The following PNLIPRP3 variants were observed in gnomAD, a reference collection of about 807,000 sequenced individuals.
PNLIPRP3 encodes the protein pancreatic lipase related protein 3, also known as pancreatic lipase-related protein 3.
In PNLIPRP3, 58 loss-of-function variants were observed where a neutral mutation model predicts 52.8. That is an observed-to-expected ratio of 1.10 (90% CI 0.89 to 1.37). The LOEUF is 1.37. PNLIPRP3 is among the 40% of genes most tolerant of loss of function. PNLIPRP3 has a pLI of 0.00. For missense variants in PNLIPRP3, 593 were observed against 561.6 expected (o/e 1.06, Z -0.57); for synonymous variants, 192 against 185.0 (o/e 1.04, Z -0.31).
intron 1 of PNLIPRP3, among the ~76,000 whole-genome samples, chr10:116,433,148 T>G (rs1300882497): frequency 1.4e-4 from 2 of 13,998 alleles, no homozygotes; most frequent in South Asian, 3.2e-3. Flanking sequence ...AAAAAAAAAG[T>G]CTTGGAGTGA....
chr10:116,460,057 C>T (rs533491499), intron 5 of PNLIPRP3, among the ~76,000 whole-genome samples: 3 of 152,116 alleles, frequency 2.0e-5, no homozygotes, highest in African/African-American at 4.8e-5. Flanking sequence ...TGAGCCACCG[C>T]GCCCAGCCAT....
chr10:116,436,892 T>C (rs1451669281), intron 2 of PNLIPRP3, 27 bp downstream of exon 2: 4 of 1,544,198 alleles, frequency 2.6e-6, no homozygotes, highest in Admixed American at 3.8e-5. Context: ...CCTTCACACA[T>C]GGATTATTCT....
In PNLIPRP3 at chr10:116,477,357, C is replaced by A; in HGVS notation, c.*204C>A. The A allele has an allele frequency of 2.5e-6, 1 of 407,548 alleles. No individual in the cohort carries two copies. The highest frequency in any genetic ancestry group is 4.3e-6 in the Non-Finnish European group (1 of 231,676). The allele number at this position is 407,548 out of a possible 1,614,324, so 25.2% of individuals were successfully genotyped here. A position where few individuals can be genotyped will look rare whatever the true frequency, so the allele number is the denominator to read the frequency against. ...CTTAAAAACACACTGAACCCTGGGACAAAAGATAATTACTATGATCTGTAG... is the reference window on the plus strand; with the variant it reads ...CTTAAAAACACACTGAACCCTGGGAAAAAAGATAATTACTATGATCTGTAG... On this transcript the variant is annotated 3_prime_UTR_variant, in exon 12 of 12. Coordinates refer to ENST00000369230, the MANE Select transcript of PNLIPRP3 (RefSeq NM_001011709.3).
At chr10:116,467,295 T>A (rs1050732227) in intron 8 of PNLIPRP3, among the ~76,000 whole-genome samples, 1 of 152,156 alleles carries the variant, frequency 6.6e-6, no homozygotes, top group Non-Finnish European at 1.5e-5. Flanking sequence ...GGGAGGTTGA[T>A]GCAGGAGATC....
intron 4 of PNLIPRP3, among the ~76,000 whole-genome samples, chr10:116,450,466 T>C (rs1846018395): frequency 1.3e-5 from 2 of 151,812 alleles, no homozygotes; most frequent in South Asian, 2.1e-4. Flanking sequence ...AAAATTACAG[T>C]AGAAATGAAC....
At chr10:116,455,699 A>G (rs1846102070) in intron 4 of PNLIPRP3, 23 bp from the exon 5 acceptor site, 3 of 1,544,144 alleles carry the variant, frequency 1.9e-6, no homozygotes, top group Non-Finnish European at 2.7e-6. Flanking sequence ...TAAAATACTT[A>G]TTCTGTTAAA....
chr10:116,475,085 A>G (rs1216317697), intron 10 of PNLIPRP3, among the ~76,000 whole-genome samples: 1 of 152,250 alleles, frequency 6.6e-6, no homozygotes, highest in Non-Finnish European at 1.5e-5. Context: ...CTTATATACC[A>G]TGGAATACTA....
chr10:116,450,616 A>G (rs1438000901), intron 4 of PNLIPRP3, among the ~76,000 whole-genome samples: 1 of 152,110 alleles, frequency 6.6e-6, no homozygotes, highest in Admixed American at 6.5e-5. Flanking sequence ...TAAGAAATAA[A>G]AAGGAGACAT....
Position 116,469,236 on chromosome 10 carries a change from G to A in PNLIPRP3, c.979G>A (p.Ala327Thr), listed in dbSNP as rs1846328205. The change falls in exon 9 of 12, where the codon GCT becomes ACT. Residue 327 changes from alanine to threonine, a missense_variant. Coordinates refer to ENST00000369230, the MANE Select transcript of PNLIPRP3 (RefSeq NM_001011709.3). The stretch of plus-strand genomic sequence containing the variant: ...AGGTTGCCCAACAATGGGTCATTTT[G>A]CTGATAGATTTCACTTCAAAAATAT... ...KEGCPTMGHF[A>T]DRFHFKNMKT... 7 of 1,612,024 alleles carry A rather than the reference G, an allele frequency of 4.3e-6. No homozygotes were observed. The highest frequency in any genetic ancestry group is 1.3e-5 in the African/African-American group (1 of 74,838).
chr10:116,442,381 C>T (rs1252950181), intron 2 of PNLIPRP3, among the ~76,000 whole-genome samples: 1 of 152,122 alleles, frequency 6.6e-6, no homozygotes, highest in African/African-American at 2.4e-5. Flanking sequence ...CTCCATTTTG[C>T]CATGTTTTTG....
chr10:116,435,868 A>T (rs1845767188), intron 1 of PNLIPRP3, among the ~76,000 whole-genome samples: 1 of 152,198 alleles, frequency 6.6e-6, no homozygotes, highest in South Asian at 2.1e-4. Context: ...ACCACAAAAG[A>T]CTCCAAATAA....
rs1846185238 is a variant in PNLIPRP3 at position 116,461,085 on chromosome 10, G to T, written c.685G>T (p.Gly229Cys). 2.5e-6 allele frequency: 4 copies of T among 1,613,990 alleles called. No homozygotes were observed. Among genetic ancestry groups the T allele is most frequent in the Non-Finnish European group, 8.5e-7 (1 of 1,180,024 alleles). ...TNAARILFEL[G>C]VGTIDACGHL... is the part of the protein sequence containing the mutation. ...TGCAGCTCGCATCCTCTTTGAGCTT[G>T]GTAAGTTTTAACAGAATCAGAAACT... The change falls in exon 6 of 12, where the codon GGT becomes TGT. Residue 229 changes from glycine (G) to cysteine (C), a missense_variant and splice_region_variant. By Grantham distance (159) the Gly-to-Cys change is radical. Coordinates refer to ENST00000369230, the MANE Select transcript of PNLIPRP3 (RefSeq NM_001011709.3).
intron 5 of PNLIPRP3, among the ~76,000 whole-genome samples, chr10:116,459,281 TAA>T (rs368186368): frequency 3.5e-4 from 45 of 129,302 alleles, no homozygotes; most frequent in African/African-American, 1.0e-3. Context: ...GTCAGAAAAA[TAA>T]AAAAAAAAAA....
At chr10:116,445,558 T>TAAAAA (rs3032169) in intron 4 of PNLIPRP3, among the ~76,000 whole-genome samples, 1 of 148,830 alleles carries the variant, frequency 6.7e-6, no homozygotes, top group South Asian at 2.1e-4. Flanking sequence ...CTTCTCTTTA[T>TAAAAA]AAAAAAAAAA....
chr10:116,440,112 G>A, intron 2 of PNLIPRP3: 1 of 651,630 alleles, frequency 1.5e-6, no homozygotes, highest in Non-Finnish European at 2.7e-6. Flanking sequence ...TAGAATACAA[G>A]TATTTGGGGG....
At chr10:116,446,677 C>T (rs571238256) in intron 4 of PNLIPRP3, among the ~76,000 whole-genome samples, 1 of 152,254 alleles carries the variant, frequency 6.6e-6, no homozygotes, top group South Asian at 2.1e-4. Flanking sequence ...CTGACAAGCA[C>T]ACTGATTCAA....
intron 1 of PNLIPRP3, among the ~76,000 whole-genome samples, chr10:116,435,269 A>C (rs1845758327): frequency 6.6e-6 from 1 of 152,156 alleles, no homozygotes; most frequent in Non-Finnish European, 1.5e-5. Context: ...ATAGTATGAA[A>C]ACAACATTAT....
intron 1 of PNLIPRP3, among the ~76,000 whole-genome samples, chr10:116,432,422 A>G (rs951237482): frequency 2.6e-5 from 4 of 152,230 alleles, no homozygotes; most frequent in Non-Finnish European, 5.9e-5. Context: ...GGGGAAATAA[A>G]GCATTTCAAC....
At position 116,465,057 on chromosome 10, in the gene PNLIPRP3, C is replaced by T. The variant is rs147459274; in HGVS notation, c.809-993C>T. Reference sequence around the variant, plus strand: ...TGAGCATGGTGGAGAAGAGTTTTATCGAGTGACCAAACAGCTCTTGGATGA... The same window carrying T: ...TGAGCATGGTGGAGAAGAGTTTTATTGAGTGACCAAACAGCTCTTGGATGA... On this transcript the variant is annotated intron_variant, in intron 7 of 11. Coordinates refer to ENST00000369230, the MANE Select transcript of PNLIPRP3 (RefSeq NM_001011709.3). Among the ~76,000 whole-genome samples the T allele has an allele frequency of 3.1e-4, 47 of 152,226 alleles. No individual in the cohort carries two copies. In the East Asian group the frequency reaches 7.7e-3, roughly 25 times the overall value.
Sources: gnomAD v4.1 joint callset for allele counts (sites outside exome capture counted in the v4.1 genomes callset) on GRCh38, gnomAD v4.1.1 for gene constraint, MANE v1.5 for transcripts, NCBI Gene and HGNC (gene_info 2026-07-23, HGNC 2026-07-21) for gene names.